Variants in COG5 observed in about 807,000 individuals in gnomAD.
The protein encoded by COG5 is conserved oligomeric Golgi complex subunit 5.
In COG5, 86 loss-of-function variants were observed where a neutral mutation model predicts 110.4. That is an observed-to-expected ratio of 0.78 (90% confidence interval 0.65 to 0.93). The LOEUF (loss-of-function observed/expected upper bound fraction) is 0.93. Ranked by LOEUF, COG5 falls within the 40% of genes least tolerant of loss-of-function variation. The probability of loss-of-function intolerance (pLI) is 0.00; values close to 1 mark genes in which losing one functional copy is unlikely to be tolerated. For missense variants in COG5, 1,077 were observed against 987.0 expected (o/e 1.09, Z -1.22); for synonymous variants, 360 against 334.6 (o/e 1.08, Z -0.83).
chr7:107,319,220 T>A (rs1056886295), intron 11 of COG5, among the ~76,000 whole-genome samples: 1 of 152,192 alleles, frequency 6.6e-6, no homozygotes, highest in Non-Finnish European at 1.5e-5. Context: ...ATGTTATTTT[T>A]AAAATATTTG....
At chr7:107,439,563 T>C (rs1794582485) in intron 6 of COG5, among the ~76,000 whole-genome samples, 1 of 151,998 alleles carries the variant, frequency 6.6e-6, no homozygotes. Context: ...TATAAATTGA[T>C]CTTATTTCCA....
chr7:107,272,782 T>C (rs1183744869), intron 14 of COG5, among the ~76,000 whole-genome samples: 1 of 152,148 alleles, frequency 6.6e-6, no homozygotes, highest in Non-Finnish European at 1.5e-5. Context: ...AGCGAGAATC[T>C]TTCCATGTCA....
intron 11 of COG5, among the ~76,000 whole-genome samples, chr7:107,318,693 C>G (rs988454876): frequency 6.6e-6 from 1 of 152,126 alleles, no homozygotes; most frequent in Non-Finnish European, 1.5e-5. Context: ...TGCCTGTGTA[C>G]ATAGAGAGTG....
chr7:107,389,211 C>G (rs1790442161), intron 7 of COG5, among the ~76,000 whole-genome samples: 2 of 151,940 alleles, frequency 1.3e-5, no homozygotes, highest in Non-Finnish European at 2.9e-5. Flanking sequence ...TAGATTTACC[C>G]CCAGTGGGGT....
chr7:107,562,642 T>C (rs1803946045), intron 1 of COG5, among the ~76,000 whole-genome samples: 1 of 152,148 alleles, frequency 6.6e-6, no homozygotes, highest in African/African-American at 2.4e-5. Flanking sequence ...TTAAATTCAG[T>C]TTAGCCAAGT....
intron 7 of COG5, among the ~76,000 whole-genome samples, chr7:107,377,792 C>G (rs1412632286): frequency 2.0e-5 from 3 of 152,170 alleles, no homozygotes; most frequent in African/African-American, 7.2e-5. Flanking sequence ...AGGCAGAAGC[C>G]CCAGTCAGGG....
chr7:107,250,445 T>TA (rs578070878), intron 16 of COG5, among the ~76,000 whole-genome samples: 2,084 of 140,602 alleles, frequency 0.015, 22 homozygotes, highest in African/African-American at 0.022. Context: ...TAAAAAAAGG[T>TA]AAAAAAAAAA....
intron 10 of COG5, among the ~76,000 whole-genome samples, chr7:107,328,631 G>C (rs1396088310): frequency 6.6e-6 from 1 of 152,076 alleles, no homozygotes; most frequent in Non-Finnish European, 1.5e-5. Context: ...CAGGGAAAAT[G>C]AATTAGTTAC....
intron 5 of COG5, among the ~76,000 whole-genome samples, chr7:107,545,063 G>T (rs1369425705): frequency 1.3e-5 from 2 of 152,024 alleles, no homozygotes; most frequent in African/African-American, 2.4e-5. Flanking sequence ...GCTTGAAAAG[G>T]GGTTATTTGA....
intron 5 of COG5, among the ~76,000 whole-genome samples, chr7:107,527,948 C>T (rs1800891434): frequency 6.6e-6 from 1 of 152,094 alleles, no homozygotes. Context: ...CCAGGTGGTA[C>T]CAATGTGCAG....
At chr7:107,376,339 A>T (rs970921208) in intron 7 of COG5, among the ~76,000 whole-genome samples, 4 of 151,930 alleles carry the variant, frequency 2.6e-5, no homozygotes, top group African/African-American at 4.8e-5. Context: ...GTATTGTTTG[A>T]GATTGCATTA....
At chr7:107,269,452 G>T (rs1238178174) in intron 14 of COG5, among the ~76,000 whole-genome samples, 1 of 150,540 alleles carries the variant, frequency 6.6e-6, no homozygotes, top group Non-Finnish European at 1.5e-5. Context: ...TCCAGCCTGG[G>T]CGACAGAGCA....
At chr7:107,250,060 G>A (rs1395216666) in intron 16 of COG5, among the ~76,000 whole-genome samples, 1 of 152,016 alleles carries the variant, frequency 6.6e-6, no homozygotes, top group Non-Finnish European at 1.5e-5. Context: ...ACCAATGATG[G>A]GTTTTAAGCA....
In COG5 at chr7:107,465,764, T is replaced by C. The variant is rs182799596; in HGVS notation, c.539-53132A>G. ...ATAGTGGATGTTACTGAGTTTATAG[T>C]AGAACTACAGCCTATAGTAAAACTC... On this transcript the variant is annotated intron_variant, in intron 6 of 21. Transcript: ENST00000297135. Among the ~76,000 whole-genome samples, 289 of 152,314 alleles carry C rather than the reference T, an allele frequency of 1.9e-3. 2 individuals carry two copies. Among genetic ancestry groups the C allele is most frequent in the African/African-American group, 6.7e-3 (278 of 41,586 alleles).
At chr7:107,284,170 C>T (rs139871862) in intron 12 of COG5, among the ~76,000 whole-genome samples, 238 of 152,258 alleles carry the variant, frequency 1.6e-3, no homozygotes, top group African/African-American at 5.4e-3. Flanking sequence ...GTGATCCACC[C>T]GCTTCGGCCT....
Position 107,357,274 on chromosome 7 carries a change from T to G in COG5, c.1026+4759A>C, listed in dbSNP as rs1051876660. On this transcript the variant is annotated intron_variant, in intron 10 of 21. Coordinates refer to ENST00000297135, the MANE Select transcript of COG5 (RefSeq NM_006348.5). Reference sequence around the variant, plus strand: ...ATTGAGGACCTTATGTGCTGTCTTTTGAGGTTTTTTTACTTTTCTCTTGCT... The same window carrying G: ...ATTGAGGACCTTATGTGCTGTCTTTGGAGGTTTTTTTACTTTTCTCTTGCT... Among the ~76,000 whole-genome samples the G allele has an allele frequency of 8.5e-5, 13 of 152,172 alleles. No homozygotes were observed. In the South Asian group the frequency reaches 1.0e-3, roughly 12 times the overall value.
chr7:107,414,580 CT>C (rs1225492979), intron 6 of COG5, among the ~76,000 whole-genome samples: 1 of 151,714 alleles, frequency 6.6e-6, no homozygotes, highest in African/African-American at 2.4e-5. Context: ...AATAAATGTT[CT>C]GGTTTATTCT....
chr7:107,561,922 G>A (rs1236864462), intron 1 of COG5, among the ~76,000 whole-genome samples: 1 of 151,988 alleles, frequency 6.6e-6, no homozygotes, highest in Non-Finnish European at 1.5e-5. Context: ...CTTGCAGTGA[G>A]CCGAGACTGC....
intron 6 of COG5, among the ~76,000 whole-genome samples, chr7:107,420,413 A>T (rs1041486494): frequency 1.3e-5 from 2 of 152,216 alleles, no homozygotes; most frequent in Admixed American, 1.3e-4. Context: ...GAACATGTAG[A>T]GATAATCTTA....
Sources: allele counts gnomAD v4.1 joint callset (sites outside exome capture counted in the v4.1 genomes callset), GRCh38; gene constraint gnomAD v4.1.1; transcripts MANE v1.5; gene names NCBI Gene and HGNC (gene_info 2026-07-23, HGNC 2026-07-21).